Variants in PRKG1 observed in about 807,000 individuals in gnomAD.
PRKG1 encodes the protein cGMP-dependent protein kinase 1.
PRKG1 carries 35 observed loss-of-function variants against 88.1 expected under a neutral mutation model. The observed-to-expected ratio is 0.40, with a 90% CI of 0.30 to 0.53. PRKG1 has a LOEUF of 0.53. Ranked by LOEUF, PRKG1 falls within the 20% of genes least tolerant of loss-of-function variation. PRKG1 has a pLI of 0.59. For synonymous variants in PRKG1, 303 were observed against 292.5 expected (o/e 1.04, Z -0.37); for missense variants, 540 against 839.8 (o/e 0.64, Z 4.41).
Position 51,736,254 on chromosome 10 carries a change from C to T in PRKG1, c.593-68331C>T, listed in dbSNP as rs188944896. 2.0e-5 allele frequency among the ~76,000 whole-genome samples: 3 copies of T among 151,900 alleles called. No homozygotes were observed. The East Asian group carries it at 5.8e-4, about 29-fold the overall frequency. On this transcript the variant is annotated intron_variant, in intron 3 of 17. Coordinates refer to ENST00000373980, the MANE Select transcript of PRKG1 (RefSeq NM_006258.4). ...TGGACATAGTGTCATCTGGCATTGG[C>T]TACTTTAAAAAAATTATTTATTATC... is the stretch of plus-strand genomic sequence containing the variant.
rs951438915 is a variant in PRKG1 at position 52,133,998 on chromosome 10, T to C, written c.1001+93T>C. ...AGACATCATTTTATGGAGCTATTAA[T>C]ACTTGTTTTATATCTTTTCATTTTT... On this transcript the variant is annotated intron_variant, in intron 8 of 17. Coordinates refer to ENST00000373980, the MANE Select transcript of PRKG1 (RefSeq NM_006258.4). 43 of 929,474 alleles carry C rather than the reference T, an allele frequency of 4.6e-5. 1 individual carries two copies. The Middle Eastern group carries it at 1.4e-3, about 30-fold the overall frequency. 57.6% of individuals were successfully genotyped at this position (929,474 alleles called of 1,614,324 possible). A position where few individuals can be genotyped will look rare whatever the true frequency, so the allele number is the denominator to read the frequency against.
At chr10:52,253,056 C>T (rs1040323303) in intron 10 of PRKG1, among the ~76,000 whole-genome samples, 6 of 151,978 alleles carry the variant, frequency 3.9e-5, no homozygotes, top group African/African-American at 1.4e-4. Flanking sequence ...ACAGAGCTCC[C>T]TGCCATACAG....
At chr10:51,313,336 C>G (rs966543021) in intron 2 of PRKG1, among the ~76,000 whole-genome samples, 3 of 152,122 alleles carry the variant, frequency 2.0e-5, no homozygotes, top group Non-Finnish European at 4.4e-5. Flanking sequence ...GAGTAAGATA[C>G]AGTTCTACCC....
In PRKG1 at chr10:52,234,483, G is replaced by A. The variant is rs867159549; in HGVS notation, c.1077-17087G>A. 5.5e-3 allele frequency among the ~76,000 whole-genome samples: 836 copies of A among 151,612 alleles called. 9 individuals carry two copies. The highest frequency in any genetic ancestry group is 0.019 in the African/African-American group (797 of 41,196). On this transcript the variant is annotated intron_variant, in intron 9 of 17. Coordinates refer to ENST00000373980, the MANE Select transcript of PRKG1 (RefSeq NM_006258.4). ...AGAAGTGCTTAAAGGAGCTGATGGA[G>A]CTGAAAACCAAGGCTCGAGAACTAC...
intron 2 of PRKG1, among the ~76,000 whole-genome samples, chr10:51,170,488 G>C (rs568124318): frequency 1.3e-5 from 2 of 150,486 alleles, no homozygotes; most frequent in Non-Finnish European, 3.0e-5. Flanking sequence ...GGTAATAATG[G>C]CTATGAAAAC....
intron 2 of PRKG1, among the ~76,000 whole-genome samples, chr10:51,322,297 C>G (rs988653102): frequency 6.6e-6 from 1 of 152,192 alleles, no homozygotes; most frequent in African/African-American, 2.4e-5. Flanking sequence ...TCCTGAGAGT[C>G]AACTTGAGCA....
intron 1 of PRKG1, among the ~76,000 whole-genome samples, chr10:51,067,965 A>G (rs746190605): frequency 4.6e-5 from 7 of 152,040 alleles, no homozygotes; most frequent in Non-Finnish European, 7.4e-5. Flanking sequence ...ACCATGAAGG[A>G]ATTACTGAAT....
intron 7 of PRKG1, among the ~76,000 whole-genome samples, chr10:52,078,816 T>G (rs12220039): frequency 0.17 from 26,162 of 152,228 alleles, 2,851 homozygotes; most frequent in South Asian, 0.28. Context: ...ACCAAATAAT[T>G]TTATTTAAAG....
chr10:52,268,670 A>T (rs1841636643), intron 10 of PRKG1, among the ~76,000 whole-genome samples: 1 of 151,908 alleles, frequency 6.6e-6, no homozygotes, highest in Non-Finnish European at 1.5e-5. Context: ...AGCAGCATAT[A>T]CTGGAAATAG....
In PRKG1 at chr10:51,998,156, C is replaced by G. The variant is rs556906910; in HGVS notation, c.763-56328C>G. Reference sequence around the variant, plus strand: ...TCTTGATCTACATTTTTTAAAAATACTATTTTTCCCTTTAATTGGTTAATA... The same window carrying G: ...TCTTGATCTACATTTTTTAAAAATAGTATTTTTCCCTTTAATTGGTTAATA... On this transcript the variant is annotated intron_variant, in intron 5 of 17. Coordinates refer to ENST00000373980, the MANE Select transcript of PRKG1 (RefSeq NM_006258.4). Among the ~76,000 whole-genome samples, 5 of 152,230 alleles carry G rather than the reference C, an allele frequency of 3.3e-5. No homozygotes were observed. In the South Asian group the frequency reaches 1.0e-3, roughly 32 times the overall value.
At chr10:51,932,517 C>G (rs74132817) in intron 5 of PRKG1, among the ~76,000 whole-genome samples, 2,356 of 152,232 alleles carry the variant, frequency 0.015, 67 homozygotes, top group African/African-American at 0.054. Flanking sequence ...GGATTGGGAT[C>G]TAGATCTGCT....
At chr10:51,678,208 T>G (rs1303030522) in intron 3 of PRKG1, among the ~76,000 whole-genome samples, 1 of 152,146 alleles carries the variant, frequency 6.6e-6, no homozygotes, top group African/African-American at 2.4e-5. Flanking sequence ...CTCCACAAGC[T>G]ATTCTTGACA....
At chr10:51,597,758 G>A (rs1838492094) in intron 3 of PRKG1, among the ~76,000 whole-genome samples, 1 of 151,968 alleles carries the variant, frequency 6.6e-6, no homozygotes, top group African/African-American at 2.4e-5. Context: ...GAATTGTACT[G>A]GAAAACAAAA....
intron 2 of PRKG1, among the ~76,000 whole-genome samples, chr10:51,290,744 C>T (rs774401029): frequency 3.9e-4 from 59 of 152,102 alleles, no homozygotes; most frequent in Non-Finnish European, 7.8e-4. Context: ...TTCCCTAGCC[C>T]GCATATCTAC....
intron 5 of PRKG1, among the ~76,000 whole-genome samples, chr10:51,919,450 A>G (rs1564708480): frequency 1.3e-5 from 2 of 151,940 alleles, no homozygotes. Context: ...CTTTTTTATT[A>G]CTTACACCTA....
chr10:51,749,910 T>C (rs1228580419), intron 3 of PRKG1, among the ~76,000 whole-genome samples: 1 of 151,864 alleles, frequency 6.6e-6, no homozygotes, highest in Non-Finnish European at 1.5e-5. Flanking sequence ...AAAAAATATA[T>C]TAAAACTGTA....
At chr10:52,203,095 A>G (rs1381544054) in intron 9 of PRKG1, among the ~76,000 whole-genome samples, 1 of 151,922 alleles carries the variant, frequency 6.6e-6, no homozygotes, top group Non-Finnish European at 1.5e-5. Context: ...TAGTTCCTCT[A>G]GATGTGATGT....
rs1315821353 is a variant in PRKG1, at chr10:51,758,698, C to CT, written c.593-45884dup. Among the ~76,000 whole-genome samples the CT allele has an allele frequency of 6.6e-5, 10 of 151,868 alleles. No individual in the cohort carries two copies. In the South Asian group the frequency reaches 2.1e-3, roughly 32 times the overall value. On this transcript the variant is annotated intron_variant, in intron 3 of 17. Transcript: ENST00000373980. ...TGATTTTTTTTTTAAATTTATTATA[C>CT]TTTAAGTTCTGGGATACATGTGCAG...
intron 5 of PRKG1, among the ~76,000 whole-genome samples, chr10:51,983,220 A>C (rs1844060744): frequency 6.6e-6 from 1 of 152,006 alleles, no homozygotes. Context: ...GTGGTCCAAT[A>C]GGGGATCAGG....
Sources: allele counts gnomAD v4.1 joint callset (sites outside exome capture counted in the v4.1 genomes callset), GRCh38; gene constraint gnomAD v4.1.1; transcripts MANE v1.5; gene names NCBI Gene and HGNC (gene_info 2026-07-23, HGNC 2026-07-21).